Variants in DOCK3 observed in about 807,000 individuals in gnomAD.
DOCK3 encodes the protein dedicator of cytokinesis 3, also known as dedicator of cytokinesis protein 3.
DOCK3 carries 60 observed loss-of-function variants against 265.6 expected under a neutral mutation model. That is an observed-to-expected ratio of 0.23 (90% CI 0.18 to 0.28). The LOEUF (loss-of-function observed/expected upper bound fraction) is 0.28. Ranked by LOEUF, DOCK3 falls within the 10% of genes least tolerant of loss-of-function variation. The pLI is 1.00. For missense variants in DOCK3, 1,981 were observed against 2,594.3 expected (o/e 0.76, Z 5.14); for synonymous variants, 881 against 938.0 (o/e 0.94, Z 1.11).
At chr3:51,263,570 A>G (rs540123258) in intron 23 of DOCK3, among the ~76,000 whole-genome samples, 135 of 152,336 alleles carry the variant, frequency 8.9e-4, no homozygotes, top group African/African-American at 3.2e-3. Context: ...ACACATAACT[A>G]TATTAACCTT....
chr3:51,233,345 TCTATCTATCTATC>T (rs1321675892), intron 19 of DOCK3, among the ~76,000 whole-genome samples: 1 of 39,436 alleles, frequency 2.5e-5, no homozygotes. Flanking sequence ...TATCTATCTA[TCTATCTATCTATC>T]TATTTATTTA....
At chr3:50,991,754 C>T (rs1307645244) in intron 5 of DOCK3, among the ~76,000 whole-genome samples, 2 of 152,074 alleles carry the variant, frequency 1.3e-5, no homozygotes, top group East Asian at 1.9e-4. Context: ...TATACCTTTA[C>T]GAAACTCTCC....
At chr3:51,277,361 A>G (rs1025185691) in intron 25 of DOCK3, among the ~76,000 whole-genome samples, 2 of 152,116 alleles carry the variant, frequency 1.3e-5, no homozygotes, top group African/African-American at 4.8e-5. Context: ...TTGAGATTCA[A>G]AGTTGCAGGT....
At chr3:51,195,886 A>G (rs1560191662) in intron 12 of DOCK3, among the ~76,000 whole-genome samples, 1 of 152,010 alleles carries the variant, frequency 6.6e-6, no homozygotes, top group Non-Finnish European at 1.5e-5. Flanking sequence ...TTTTGCATGT[A>G]TAGCATTCTT....
At chr3:50,789,179 G>C (rs2042340004) in intron 2 of DOCK3, among the ~76,000 whole-genome samples, 1 of 152,086 alleles carries the variant, frequency 6.6e-6, no homozygotes, top group South Asian at 2.1e-4. Flanking sequence ...TTGATAGATT[G>C]TGTCACTATT....
chr3:51,330,058 C>T, intron 32 of DOCK3, 80 bp from the exon 33 acceptor site: 1 of 1,394,806 alleles, frequency 7.2e-7, no homozygotes, highest in South Asian at 1.2e-5. Flanking sequence ...TTCCCACCAT[C>T]CTCACCCACC....
chr3:51,365,562 G>A (rs2087085657), intron 49 of DOCK3, among the ~76,000 whole-genome samples: 2 of 152,168 alleles, frequency 1.3e-5, no homozygotes, highest in South Asian at 2.1e-4. Context: ...CCTGTCCTGT[G>A]CCAGTGTTCA....
chr3:51,319,567 A>G (rs2083562932), intron 32 of DOCK3, among the ~76,000 whole-genome samples: 1 of 152,192 alleles, frequency 6.6e-6, no homozygotes, highest in Non-Finnish European at 1.5e-5. Flanking sequence ...TTGTAGAAAA[A>G]TGTAAAATGC....
chr3:50,959,585 A>G (rs929989585), intron 5 of DOCK3, among the ~76,000 whole-genome samples: 2 of 147,890 alleles, frequency 1.4e-5, no homozygotes, highest in African/African-American at 5.0e-5. Context: ...TTATTTATTT[A>G]TTTATTTATT....
intron 3 of DOCK3, among the ~76,000 whole-genome samples, chr3:50,881,002 C>T (rs1183558368): frequency 2.0e-5 from 3 of 152,152 alleles, no homozygotes; most frequent in Non-Finnish European, 4.4e-5. Context: ...TAATCCATCA[C>T]ATAAACAGAA....
chr3:51,197,602 T>G (rs1024513558), intron 12 of DOCK3, among the ~76,000 whole-genome samples: 1 of 152,174 alleles, frequency 6.6e-6, no homozygotes, highest in South Asian at 2.1e-4. Context: ...GACCCTGGTC[T>G]GTGTTCTCTG....
At chr3:51,333,631 C>T (rs532543741) in intron 35 of DOCK3, among the ~76,000 whole-genome samples, 3 of 152,142 alleles carry the variant, frequency 2.0e-5, no homozygotes, top group African/African-American at 7.2e-5. Flanking sequence ...AGTGCAGACC[C>T]TCCTCAGAAC....
intron 12 of DOCK3, among the ~76,000 whole-genome samples, chr3:51,184,318 A>AC (rs1179426408): frequency 6.7e-6 from 1 of 149,048 alleles, no homozygotes; most frequent in East Asian, 1.9e-4. Context: ...CTTTGAAACA[A>AC]AAAAAAAAAA....
chr3:51,018,885 T>C lies in DOCK3; in HGVS notation c.316-45563T>C, dbSNP rs138021339. On this transcript the variant is annotated intron_variant, in intron 5 of 52. Transcript: ENST00000266037. The stretch of plus-strand genomic sequence containing the variant: ...GTGTTTTTATTGATTTGTAGACATG[T>C]TTAATTATCTTGGATAGGAATCTTT... Among the ~76,000 whole-genome samples, 5 of 152,006 alleles carry C rather than the reference T, an allele frequency of 3.3e-5. 2 individuals carry two copies. The highest frequency in any genetic ancestry group is 1.2e-4 in the African/African-American group (5 of 41,306).
chr3:51,016,690 A>G (rs1289402128), intron 5 of DOCK3, among the ~76,000 whole-genome samples: 1 of 100,844 alleles, frequency 9.9e-6, no homozygotes, highest in African/African-American at 4.2e-5. Flanking sequence ...TATATCATAT[A>G]ATATATAAAT....
chr3:50,967,171 A>C (rs537481820), intron 5 of DOCK3, among the ~76,000 whole-genome samples: 53 of 152,238 alleles, frequency 3.5e-4, no homozygotes, highest in Non-Finnish European at 3.8e-4. Flanking sequence ...AAACCTCTTC[A>C]TTCCTGCCCA....
intron 5 of DOCK3, among the ~76,000 whole-genome samples, chr3:51,036,338 C>A (rs1267620337): frequency 6.6e-6 from 1 of 152,176 alleles, no homozygotes; most frequent in Non-Finnish European, 1.5e-5. Flanking sequence ...ACCCTGGTAT[C>A]TGGTACCCTA....
At chr3:51,366,566 TTTAA>T (rs1426176554) in intron 49 of DOCK3, among the ~76,000 whole-genome samples, 1 of 152,196 alleles carries the variant, frequency 6.6e-6, no homozygotes, top group Non-Finnish European at 1.5e-5. Flanking sequence ...CTCTAGTTCT[TTTAA>T]TTGTGATGTT....
chr3:50,825,021 A>G (rs1365057858), intron 2 of DOCK3, among the ~76,000 whole-genome samples: 2 of 152,240 alleles, frequency 1.3e-5, no homozygotes, highest in Non-Finnish European at 1.5e-5. Flanking sequence ...TTGTACCTAC[A>G]ACAGGCACTT....
Sources: gnomAD v4.1 joint callset for allele counts (sites outside exome capture counted in the v4.1 genomes callset) on GRCh38, gnomAD v4.1.1 for gene constraint, MANE v1.5 for transcripts, NCBI Gene and HGNC (gene_info 2026-07-23, HGNC 2026-07-21) for gene names.